TAF1: variants seen among roughly 807,000 people sequenced by gnomAD.
The protein encoded by TAF1 is transcription initiation factor TFIID subunit 1.
Under a neutral mutation model 138.5 loss-of-function variants are expected in TAF1, and 2 were observed. The observed-to-expected ratio is 0.01, with a 90% confidence interval of 0.01 to 0.05. TAF1 has a LOEUF of 0.05. TAF1 is among the 10% of genes least tolerant of loss of function. The pLI, the probability that TAF1 is intolerant of heterozygous loss-of-function variation, is 1.00. For missense variants in TAF1, 709 were observed against 1,478.0 expected, an observed-to-expected ratio of 0.48 and a Z score of 8.53; for synonymous variants, 437 against 503.2, an observed-to-expected ratio of 0.87 and a Z score of 1.76.
chrX:71,375,191 C>T lies in TAF1; in HGVS notation c.377C>T (p.Ala126Val). Residue 126 changes from alanine (A) to valine (V), a missense_variant, in exon 4 of 38, where the codon GCT (alanine) becomes GTT (valine). Ala to Val is a moderately conservative substitution (Grantham distance 64, BLOSUM62 0). Transcript: ENST00000423759. ...GATTATGATGAAGATGACTATGATG[C>T]TGATTGTGAAGACATTGATTGCAAG... ...HSDYDEDDYD[A>V]DCEDIDCKLM... The T allele has an allele frequency of 8.3e-7, 1 of 1,209,949 alleles. No individual in the cohort carries two copies. Among genetic ancestry groups the T allele is most frequent in the African/African-American group, 1.7e-5 (1 of 57,581 alleles).
chrX:71,404,238 C>T (rs2035334539), intron 25 of TAF1, among the ~76,000 whole-genome samples: 1 of 111,448 alleles, frequency 9.0e-6, no homozygotes, highest in African/African-American at 3.3e-5. Context: ...TCCCAAAGTG[C>T]TGGGATTACA....
chrX:71,438,721 G>C (rs764562947), intron 32 of TAF1, among the ~76,000 whole-genome samples: 1 of 112,081 alleles, frequency 8.9e-6, no homozygotes, highest in South Asian at 3.8e-4. Context: ...CTCTGGCCGG[G>C]GGAGGCCGAG....
intron 1 of TAF1, 60 bp downstream of exon 1, chrX:71,366,554 G>C (rs936719491): frequency 9.5e-6 from 10 of 1,053,077 alleles, no homozygotes; most frequent in Non-Finnish European, 1.1e-5. Flanking sequence ...GGAAGGAGGT[G>C]CGGGGAGGAA....
chrX:71,476,801 T>C (rs1042473340), intron 13 of TAF1, among the ~76,000 whole-genome samples: 1 of 111,545 alleles, frequency 9.0e-6, no homozygotes, highest in African/African-American at 3.3e-5. Context: ...CAAGGTAGCA[T>C]TGCAGATTAT....
rs141133986 is a variant in TAF1 at position 71,524,718 on chromosome X, G to A, written c.1367-3824G>A. Among the ~76,000 whole-genome samples the A allele has an allele frequency of 1.0e-2, 1,089 of 109,245 alleles. 17 individuals carry two copies. The highest frequency in any genetic ancestry group is 0.034 in the African/African-American group (1,027 of 30,007). 94.9% of individuals were successfully genotyped at this position (109,245 alleles called of 115,157 possible). ...AGCACTTTGGGAGGCCAAGGAGGGCGGATCACGAGGTCAGGAATTCAAGAC... is the reference window on the plus strand; with the variant it reads ...AGCACTTTGGGAGGCCAAGGAGGGCAGATCACGAGGTCAGGAATTCAAGAC... On this transcript the variant is annotated intron_variant and NMD_transcript_variant, in intron 13 of 14. Coordinates refer to the TAF1 transcript ENST00000373775.
chrX:71,420,315 G>A, intron 28 of TAF1: 4 of 1,157,143 alleles, frequency 3.5e-6, no homozygotes, highest in Non-Finnish European at 3.5e-6. Flanking sequence ...TAAGGCCAGG[G>A]AAGTCCTCAC....
rs7883838 is a variant in TAF1 at position 71,425,469 on chromosome X, T to G, written c.4753+1231T>G. Among the ~76,000 whole-genome samples, 1,089 of 110,828 alleles carry G rather than the reference T, an allele frequency of 9.8e-3. 17 individuals are homozygous for G. Among genetic ancestry groups the G allele is most frequent in the African/African-American group, 0.033 (1,013 of 30,468 alleles). On this transcript the variant is annotated intron_variant, in intron 32 of 37. Coordinates refer to ENST00000423759, the MANE Select transcript of TAF1 (RefSeq NM_004606.5). ...CACACATAGCAAGACCTTCCTTGTC[T>G]GTATAAAAAACTTATAAACAAAAGC...
rs2038676574 is a variant in TAF1, at chrX:71,464,407, GTATTAGGAA to G, written c.*362_*370del. 38 of 343,011 alleles carry G rather than the reference GTATTAGGAA, an allele frequency of 1.1e-4. No homozygotes were observed. In the East Asian group the frequency reaches 1.7e-3, roughly 15 times the overall value. The allele number at this position is 343,011 out of a possible 1,213,427, so 28.3% of individuals were successfully genotyped here. On this transcript the variant is annotated 3_prime_UTR_variant, in exon 38 of 38. Transcript: ENST00000423759. ...ACTAGTAACTTTATGTCCTCTTGATGTATTAGGAAATTTCCGGCCAGGCGTGGTGGCTCA... is the reference window on the plus strand; with the variant it reads ...ACTAGTAACTTTATGTCCTCTTGATGATTTCCGGCCAGGCGTGGTGGCTCA...
intron 18 of TAF1, among the ~76,000 whole-genome samples, chrX:71,390,226 C>T (rs1457550354): frequency 1.8e-5 from 2 of 111,860 alleles, no homozygotes; most frequent in Non-Finnish European, 1.9e-5. Context: ...TATAAGACTT[C>T]ACATGATTTG....
chrX:71,430,735 G>A (rs1031766222), intron 32 of TAF1, among the ~76,000 whole-genome samples: 1 of 111,706 alleles, frequency 9.0e-6, no homozygotes, highest in African/African-American at 3.3e-5. Context: ...AGACTTGTTT[G>A]TACTTAGGTA....
At chrX:71,482,832 C>G (rs2039094889) in intron 13 of TAF1, among the ~76,000 whole-genome samples, 1 of 112,645 alleles carries the variant, frequency 8.9e-6, no homozygotes, top group Non-Finnish European at 1.9e-5. Flanking sequence ...ATTTTACCCA[C>G]AGTAGAACTT....
intron 25 of TAF1, among the ~76,000 whole-genome samples, chrX:71,405,992 A>G (rs2035446137): frequency 9.0e-6 from 1 of 111,550 alleles, no homozygotes; most frequent in South Asian, 3.7e-4. Context: ...ACCAGTTTTT[A>G]ATTTCTTGTT....
At position 71,399,253 on chromosome X, in the gene TAF1, C is replaced by CTT. The variant is rs1159549890; in HGVS notation, c.3786+536_3786+537dup. Among the ~76,000 whole-genome samples, 175 of 70,330 alleles carry CTT rather than the reference C, an allele frequency of 2.5e-3. 2 individuals are homozygous for CTT. The highest frequency in any genetic ancestry group is 7.5e-3 in the African/African-American group (131 of 17,479). The allele number at this position is 70,330 out of a possible 115,157, so 61.1% of individuals were successfully genotyped here. On this transcript the variant is annotated intron_variant, in intron 24 of 37. Coordinates refer to ENST00000423759, the MANE Select transcript of TAF1 (RefSeq NM_004606.5). ...CCATGCCCGGCTTGTCATTTATTCT[C>CTT]TTTTTTTTTTTTTTTTTTTTTGAAA...
intron 12 of TAF1, among the ~76,000 whole-genome samples, chrX:71,383,720 A>G (rs965841204): frequency 8.9e-6 from 1 of 112,218 alleles, no homozygotes; most frequent in African/African-American, 3.2e-5. Context: ...GCACAGATGC[A>G]CTTGTATTTT....
At chrX:71,446,886 T>C (rs1179236217) in intron 32 of TAF1, among the ~76,000 whole-genome samples, 1 of 111,776 alleles carries the variant, frequency 8.9e-6, no homozygotes, top group Non-Finnish European at 1.9e-5. Flanking sequence ...AAACTAAACA[T>C]CCTAATTTAC....
chrX:71,499,186 C>G (rs766230631), intron 13 of TAF1, among the ~76,000 whole-genome samples: 2 of 111,359 alleles, frequency 1.8e-5, no homozygotes, highest in Admixed American at 1.9e-4. Context: ...CCTTGTACAC[C>G]ACACTGATAA....
chrX:71,445,828 G>A (rs2037668000), intron 32 of TAF1, among the ~76,000 whole-genome samples: 1 of 110,842 alleles, frequency 9.0e-6, no homozygotes, highest in Non-Finnish European at 1.9e-5. Context: ...TAGCATGGAT[G>A]TATGTATCAT....
chrX:71,457,182 A>G (rs2038344304), intron 34 of TAF1, among the ~76,000 whole-genome samples: 1 of 112,067 alleles, frequency 8.9e-6, no homozygotes, highest in South Asian at 3.7e-4. Flanking sequence ...TGTTTCTCCA[A>G]AACCCTCTTC....
intron 6 of TAF1, 100 bp downstream of exon 6, chrX:71,377,921 C>T (rs895372578): frequency 4.3e-6 from 4 of 927,118 alleles, no homozygotes; most frequent in Non-Finnish European, 5.8e-6. Flanking sequence ...AATACCATAG[C>T]AGATAGAATC....
Sources: allele counts gnomAD v4.1 joint callset (sites outside exome capture counted in the v4.1 genomes callset), GRCh38; gene constraint gnomAD v4.1.1; transcripts MANE v1.5; gene names NCBI Gene and HGNC (gene_info 2026-07-23, HGNC 2026-07-21).